Variants in ZBTB12 observed in about 807,000 individuals in gnomAD.
The protein encoded by ZBTB12 is zinc finger and BTB domain containing 12, also known as zinc finger and BTB domain-containing protein 12.
ZBTB12 carries 1 observed loss-of-function variant against 6.4 expected under a neutral mutation model. That is an observed-to-expected ratio of 0.16 (90% CI 0.06 to 0.74). ZBTB12 has a LOEUF of 0.74. ZBTB12 is among the 30% of genes least tolerant of loss of function. ZBTB12 has a pLI of 0.78. For synonymous variants in ZBTB12, 273 were observed against 262.5 expected (o/e 1.04, Z -0.39); for missense variants, 344 against 613.9 (o/e 0.56, Z 4.65).
Position 31,899,992 on chromosome 6 carries a change from G to A in ZBTB12, c.1314C>T (p.His438=). ...PAIRRHLKEQ[H]GKTTAENVLE... ...GCACGTTCTCGGCCGTGGTCTTGCC[G>A]TGTTGCTCCTTGAGGTGCCGCCTAA... The change falls in exon 2 of 2, where the codon CAC becomes CAT. Residue 438 remains histidine, a synonymous_variant. Coordinates refer to ENST00000375527, the MANE Select transcript of ZBTB12 (RefSeq NM_181842.3). 3 of 1,609,180 alleles carry A rather than the reference G, an allele frequency of 1.9e-6. No homozygotes were observed. Among genetic ancestry groups the A allele is most frequent in the Middle Eastern group, 4.0e-4 (2 of 4,978 alleles).
At position 31,899,956 on chromosome 6, in the gene ZBTB12, A is replaced by G. The variant is rs776204336; in HGVS notation, c.1350T>C (p.Ser450=). The change falls in exon 2 of 2, where the codon AGT becomes AGC. Residue 450 remains serine (S), a synonymous_variant. Coordinates refer to ENST00000375527, the MANE Select transcript of ZBTB12 (RefSeq NM_181842.3). The stretch of plus-strand genomic sequence containing the variant: ...GGATGAGGACGTTAATCTCGGCCAC[A>G]CTGGCCTCCAGCACGTTCTCGGCCG... ...KTTAENVLEA[S]VAEINVLIR 7.5e-6 allele frequency: 12 copies of G among 1,592,858 alleles called. No individual in the cohort carries two copies. The highest frequency in any genetic ancestry group is 1.0e-5 in the Non-Finnish European group (12 of 1,168,192).
In ZBTB12 at chr6:31,900,469, C is replaced by T; in HGVS notation, c.837G>A (p.Leu279=). 1 of 1,598,206 alleles carries T rather than the reference C, an allele frequency of 6.3e-7. No individual in the cohort carries two copies. Among genetic ancestry groups the T allele is most frequent in the Non-Finnish European group, 8.5e-7 (1 of 1,173,992 alleles). ...LSEDAEGEGL[L]LIPGGRASVG... is the part of the protein sequence containing the mutation. ...CGCTGGCCCGGCCTCCGGGAATCAA[C>T]AGCAGGCCCTCCCCTTCTGCATCTT... The change falls in exon 2 of 2, where the codon CTG becomes CTA. Residue 279 remains leucine (L), a synonymous_variant. Transcript: ENST00000375527. The surrounding 1 kb of genome is among the most constrained non-coding windows in gnomAD (Gnocchi z 9.7).
chr6:31,901,419 G>A (rs1767256241), intron 1 of ZBTB12, 94 bp from the exon 2 acceptor site: 12 of 1,168,256 alleles, frequency 1.0e-5, no homozygotes, highest in South Asian at 8.0e-5. Context: ...CCAGCCCCCC[G>A]GCATCCGATC....
At position 31,901,161 on chromosome 6, in the gene ZBTB12, C is replaced by G. The variant is rs9394078; in HGVS notation, c.145G>C (p.Val49Leu). Reference protein sequence around the residue: ...ADSLKFRGHKVILAACSPFLR... With the variant: ...ADSLKFRGHKLILAACSPFLR... ...AAGGGTGAGCAGGCGGCCAAGATGA[C>G]CTTGTGGCCTCGAAACTTGAGGCTG... is the stretch of plus-strand genomic sequence containing the variant. The change falls in exon 2 of 2, where the codon GTC becomes CTC. Residue 49 changes from valine to leucine, a missense_variant. Transcript: ENST00000375527. 1.2e-6 allele frequency: 2 copies of G among 1,613,686 alleles called. No individual in the cohort carries two copies. Among genetic ancestry groups the G allele is most frequent in the Non-Finnish European group, 1.7e-6 (2 of 1,180,018 alleles).
In ZBTB12 at chr6:31,900,488, G is replaced by A; in HGVS notation, c.818C>T (p.Ala273Val). ...AATCAACAGCAGGCCCTCCCCTTCT[G>A]CATCTTCCGACAGGCTATAGCAGGC... ...VKACYSLSED[A>V]EGEGLLLIPG... The change falls in exon 2 of 2, where the codon GCA becomes GTA. Residue 273 changes from alanine to valine, a missense_variant. Ala to Val is a moderately conservative substitution (Grantham distance 64). Transcript: ENST00000375527. This position sits in a 1 kb window ranked among gnomAD's most constrained non-coding sequence, Gnocchi z 9.7. 6.2e-7 allele frequency: 1 copy of A among 1,608,420 alleles called. No homozygotes were observed. The highest frequency in any genetic ancestry group is 8.5e-7 in the Non-Finnish European group (1 of 1,178,876).
chr6:31,901,416 C>G (rs1767255728), intron 1 of ZBTB12, 91 bp from the exon 2 acceptor site: 1 of 1,207,810 alleles, frequency 8.3e-7, no homozygotes, highest in Non-Finnish European at 1.1e-6. Flanking sequence ...TGCCCAGCCC[C>G]CCGGCATCCG....
Position 31,900,757 on chromosome 6 carries a change from C to A in ZBTB12, c.549G>T (p.Glu183Asp). 1 of 1,591,432 alleles carries A rather than the reference C, an allele frequency of 6.3e-7. No homozygotes were observed. The highest frequency in any genetic ancestry group is 8.6e-7 in the Non-Finnish European group (1 of 1,167,102). Residue 183 changes from glutamate to aspartate, a missense_variant, in exon 2 of 2, where the codon GAG (glutamate) becomes GAT (aspartate). Glu to Asp is a conservative substitution (Grantham distance 45). This residue lies in a region of ZBTB12 where 241 missense variants were observed against 315.4 expected (regional missense o/e 0.76). Transcript: ENST00000375527. This position sits in a 1 kb window ranked among gnomAD's most constrained non-coding sequence, Gnocchi z 9.7. ...PPPLLRPVKLEFPLDEDLELK... is the reference protein window; with the variant it reads ...PPPLLRPVKLDFPLDEDLELK... ...GCTCCAAGTCTTCATCCAGTGGGAA[C>A]TCCAGCTTCACTGGCCGCAGGAGTG...
In ZBTB12 at chr6:31,900,312, T is replaced by C; in HGVS notation, c.994A>G (p.Asn332Asp). The change falls in exon 2 of 2, where the codon AAC (asparagine) becomes GAC (aspartate). Residue 332 changes from asparagine to aspartate, a missense_variant. Physicochemically the swap from Asn to Asp is conservative, Grantham distance 23. Around this residue, in one of 5 missense-constraint regions of ZBTB12, gnomAD observed 241 missense variants for 315.4 expected, o/e 0.76. Transcript: ENST00000375527. The surrounding 1 kb of genome is among the most constrained non-coding windows in gnomAD (Gnocchi z 9.7). Reference protein sequence around the residue: ...GGFSGGNPLKNIKCTKCPEVF... With the variant: ...GGFSGGNPLKDIKCTKCPEVF... ...TCCGGGCACTTGGTGCACTTGATGT[T>C]CTTTAAGGGGTTTCCACCTGAGAAG... 3 of 1,612,054 alleles carry C rather than the reference T, an allele frequency of 1.9e-6. No homozygotes were observed. The highest frequency in any genetic ancestry group is 2.5e-6 in the Non-Finnish European group (3 of 1,179,894).
At position 31,901,939 on chromosome 6, in the gene ZBTB12, A is replaced by C; in HGVS notation, c.-123T>G. Reference sequence around the variant, plus strand: ...CACGGGCAGGGCCTGGGCAGCGCGCAGGCGCGGGGATGCACGGGACGCGCG... The same window carrying C: ...CACGGGCAGGGCCTGGGCAGCGCGCCGGCGCGGGGATGCACGGGACGCGCG... On this transcript the variant is annotated 5_prime_UTR_variant, in exon 1 of 2. Coordinates refer to ENST00000375527, the MANE Select transcript of ZBTB12 (RefSeq NM_181842.3). The C allele has an allele frequency of 7.2e-6, 1 of 139,162 alleles. No homozygotes were observed. Among genetic ancestry groups the C allele is most frequent in the Non-Finnish European group, 1.5e-5 (1 of 64,584 alleles). 8.6% of individuals were successfully genotyped at this position (139,162 alleles called of 1,614,324 possible).
Position 31,901,272 on chromosome 6 carries a change from G to A in ZBTB12, c.34C>T (p.Leu12=). ...AGCGTTGCGGCCTCGTGGCCGGGCA[G>A]CTGGAAGCGCAGGACTTCCACCCCA... ...ASGVEVLRFQ[L]PGHEAATLRN... Residue 12 remains leucine (L), a synonymous_variant, in exon 2 of 2, where the codon CTG becomes TTG. Transcript: ENST00000375527. 25 of 1,612,470 alleles carry A rather than the reference G, an allele frequency of 1.6e-5. No individual in the cohort carries two copies. The highest frequency in any genetic ancestry group is 2.1e-5 in the Non-Finnish European group (25 of 1,179,320).
At chr6:31,901,588 A>T (rs1256640552) in intron 1 of ZBTB12, among the ~76,000 whole-genome samples, 2 of 150,496 alleles carry the variant, frequency 1.3e-5, no homozygotes, top group African/African-American at 2.5e-5. Flanking sequence ...CCCACGGTGG[A>T]AGGACGGAGA....
chr6:31,901,738 C>T (rs1767300702), intron 1 of ZBTB12, 99 bp downstream of exon 1: 1 of 196,684 alleles, frequency 5.1e-6, no homozygotes, highest in East Asian at 1.4e-4. Flanking sequence ...ACGTCCTCCC[C>T]CCCGCCGCCA....
chr6:31,901,394 C>T (rs1767253723), intron 1 of ZBTB12, 69 bp from the exon 2 acceptor site: 3 of 1,386,676 alleles, frequency 2.2e-6, no homozygotes, highest in South Asian at 1.4e-5. Context: ...CCAGGACCCT[C>T]GCCCCCATTC....
chr6:31,901,523 GC>G (rs1172690617), intron 1 of ZBTB12, among the ~76,000 whole-genome samples, 198 bp from the exon 2 acceptor site: 1 of 151,970 alleles, frequency 6.6e-6, no homozygotes, highest in East Asian at 1.9e-4. Context: ...GGGCGGGGCA[GC>G]GGCGTCCACA....
At position 31,900,191 on chromosome 6, in the gene ZBTB12, C is replaced by A. The variant is rs1767092021; in HGVS notation, c.1115G>T (p.Ser372Ile). ...PRCGKQFNHS[S>I]NLNRHMNVHR... ...CACGTTCATGTGGCGGTTGAGGTTG[C>A]TGCTGTGGTTGAACTGCTTGCCACA... is the stretch of plus-strand genomic sequence containing the variant. The change falls in exon 2 of 2, where the codon AGC (serine) becomes ATC (isoleucine). Residue 372 changes from serine (S) to isoleucine (I), a missense_variant. Ser to Ile is a moderately radical substitution (Grantham distance 142). This residue lies in a region of ZBTB12 where 21 missense variants were observed against 122.6 expected (regional missense o/e 0.17). Transcript: ENST00000375527. This position sits in a 1 kb window ranked among gnomAD's most constrained non-coding sequence, Gnocchi z 9.7. 1 of 1,614,062 alleles carries A rather than the reference C, an allele frequency of 6.2e-7. No homozygotes were observed. The highest frequency in any genetic ancestry group is 8.5e-7 in the Non-Finnish European group (1 of 1,180,044).
In ZBTB12 at chr6:31,901,163, T is replaced by C; in HGVS notation, c.143A>G (p.Lys48Arg). Residue 48 changes from lysine (K) to arginine (R), a missense_variant, in exon 2 of 2, where the codon AAG becomes AGG. Lys to Arg is a conservative substitution (Grantham distance 26, BLOSUM62 2). This residue lies in a region of ZBTB12 where 50 missense variants were observed against 139.1 expected (regional missense o/e 0.36). Transcript: ENST00000375527. ...GGGTGAGCAGGCGGCCAAGATGACC[T>C]TGTGGCCTCGAAACTTGAGGCTGTC... is the stretch of plus-strand genomic sequence containing the variant. ...VADSLKFRGH[K>R]VILAACSPFL... is the part of the protein sequence containing the mutation. The C allele has an allele frequency of 6.2e-7, 1 of 1,613,702 alleles. No individual in the cohort carries two copies. The highest frequency in any genetic ancestry group is 8.5e-7 in the Non-Finnish European group (1 of 1,180,004).
In ZBTB12 at chr6:31,901,260, C is replaced by T; in HGVS notation, c.46G>A (p.Glu16Lys). Reference protein sequence around the residue: ...EVLRFQLPGHEAATLRNMNQL... With the variant: ...EVLRFQLPGHKAATLRNMNQL... ...TTCATGTTCCGTAGCGTTGCGGCCT[C>T]GTGGCCGGGCAGCTGGAAGCGCAGG... Residue 16 changes from glutamate to lysine, a missense_variant, in exon 2 of 2, where the codon GAG (glutamate) becomes AAG (lysine). Glu to Lys is a moderately conservative substitution (Grantham distance 56). Transcript: ENST00000375527. The T allele has an allele frequency of 6.2e-7, 1 of 1,612,634 alleles. No individual in the cohort carries two copies. Among genetic ancestry groups the T allele is most frequent in the Non-Finnish European group, 8.5e-7 (1 of 1,179,378 alleles).
chr6:31,901,429 C>G (rs958202534), intron 1 of ZBTB12, 104 bp from the exon 2 acceptor site: 1 of 1,086,138 alleles, frequency 9.2e-7, no homozygotes, highest in African/African-American at 1.6e-5. Context: ...GGCATCCGAT[C>G]TCCCGGTCTT....
At position 31,899,858 on chromosome 6, in the gene ZBTB12, C is replaced by T; in HGVS notation, c.*68G>A. 1 of 1,490,158 alleles carries T rather than the reference C, an allele frequency of 6.7e-7. No individual in the cohort carries two copies. Among genetic ancestry groups the T allele is most frequent in the Non-Finnish European group, 8.9e-7 (1 of 1,120,690 alleles). The allele number at this position is 1,490,158 out of a possible 1,614,324, so 92.3% of individuals were successfully genotyped here. On this transcript the variant is annotated 3_prime_UTR_variant, in exon 2 of 2. Coordinates refer to ENST00000375527, the MANE Select transcript of ZBTB12 (RefSeq NM_181842.3). The stretch of plus-strand genomic sequence containing the variant: ...CCAGACCCCCCACCCCCCAATTCTC[C>T]TGGGCCAAAGAGCCCTTTTTCCACG...
Sources: allele counts gnomAD v4.1 joint callset (sites outside exome capture counted in the v4.1 genomes callset), GRCh38; gene constraint gnomAD v4.1.1; regional missense constraint gnomAD v4.1.1; non-coding constraint Gnocchi (gnomAD v3.1); transcripts MANE v1.5; gene names NCBI Gene and HGNC (gene_info 2026-07-23, HGNC 2026-07-21).